The following RBM44 variants were observed in gnomAD, a reference collection of about 807,000 sequenced individuals.
The protein encoded by RBM44 is RNA-binding protein 44.
RBM44 carries 66 observed loss-of-function variants against 105.1 expected under a neutral mutation model. The observed-to-expected ratio is 0.63, with a 90% CI of 0.52 to 0.77. RBM44 has a LOEUF of 0.77. RBM44 is among the 30% of genes least tolerant of loss of function. The pLI is 0.00. For missense variants in RBM44, 1,122 were observed against 1,207.8 expected (o/e 0.93, Z 1.05); for synonymous variants, 365 against 417.6 (o/e 0.87, Z 1.54).
At chr2:237,819,864 C>T (rs2061764032) in intron 4 of RBM44, among the ~76,000 whole-genome samples, 1 of 151,800 alleles carries the variant, frequency 6.6e-6, no homozygotes. Flanking sequence ...AAGGTCATTA[C>T]CAAAATGACT....
chr2:237,820,028 A>G, intron 4 of RBM44, 147 bp from the exon 5 acceptor site: 1 of 421,750 alleles, frequency 2.4e-6, no homozygotes, highest in Non-Finnish European at 4.2e-6. Flanking sequence ...AAGTTGTTAT[A>G]TATTCCTACA....
chr2:237,801,999 T>C lies in RBM44; in HGVS notation c.-19+3138T>C, dbSNP rs148496406. Among the ~76,000 whole-genome samples the C allele has an allele frequency of 1.1e-4, 16 of 152,368 alleles. No individual in the cohort carries two copies. The East Asian group carries it at 3.1e-3, about 29-fold the overall frequency. On this transcript the variant is annotated intron_variant, in intron 1 of 15. Coordinates refer to ENST00000316997, the MANE Select transcript of RBM44 (RefSeq NM_001080504.3). ...TCAAGGATTTGAACATAAAATTAAT[T>C]GCTTTTTAAAAACAACTAGCAGTTT...
rs2062024194 is a variant in RBM44 at position 237,842,788 on chromosome 2, A to G, written c.*972A>G. The G allele has an allele frequency of 6.6e-6, 1 of 152,098 alleles. No homozygotes were observed. Among genetic ancestry groups the G allele is most frequent in the Non-Finnish European group, 1.5e-5 (1 of 67,970 alleles). 9.4% of individuals were successfully genotyped at this position (152,098 alleles called of 1,614,324 possible). The stretch of plus-strand genomic sequence containing the variant: ...TATATTTGTTGTATTTATATTTAAT[A>G]AAGGCATCTAATCTTTAGTACCACT... On this transcript the variant is annotated 3_prime_UTR_variant, in exon 16 of 16. Coordinates refer to ENST00000316997, the MANE Select transcript of RBM44 (RefSeq NM_001080504.3).
chr2:237,818,673 C>A lies in RBM44; in HGVS notation c.1677+77C>A. ...TATGCTAATGTAAGTGTTTTTGGTT[C>A]GTTGAATTAAGGCTTTTGTGAGAAG... On this transcript the variant is annotated intron_variant, in intron 3 of 15. Coordinates refer to ENST00000316997, the MANE Select transcript of RBM44 (RefSeq NM_001080504.3). This position sits in a 1 kb window ranked among gnomAD's most constrained non-coding sequence, Gnocchi z 4.6. The A allele has an allele frequency of 9.6e-7, 1 of 1,038,260 alleles. No individual in the cohort carries two copies. Among genetic ancestry groups the A allele is most frequent in the South Asian group, 2.1e-5 (1 of 47,488 alleles). 64.3% of individuals were successfully genotyped at this position (1,038,260 alleles called of 1,614,324 possible). A position where few individuals can be genotyped will look rare whatever the true frequency, so the allele number is the denominator to read the frequency against.
chr2:237,809,624 C>A (rs2061636332), intron 1 of RBM44, among the ~76,000 whole-genome samples: 1 of 152,172 alleles, frequency 6.6e-6, no homozygotes, highest in Admixed American at 6.5e-5. Context: ...TCTTGAGTCT[C>A]TTCTCTGCCT....
intron 10 of RBM44, among the ~76,000 whole-genome samples, chr2:237,825,970 A>G (rs1036489423): frequency 6.6e-6 from 1 of 152,124 alleles, no homozygotes; most frequent in Non-Finnish European, 1.5e-5. Context: ...CAGCACCACT[A>G]CTTACTCTAT....
rs80250821 is a variant in RBM44, at chr2:237,831,946, C to T, written c.2887-2051C>T. On this transcript the variant is annotated intron_variant, in intron 13 of 15. Coordinates refer to ENST00000316997, the MANE Select transcript of RBM44 (RefSeq NM_001080504.3). ...GGAGGTTTGGGAACTGTGGCTCTCC[C>T]TTTCTTCTCTCGTGTAGCACATGTG... Among the ~76,000 whole-genome samples the T allele has an allele frequency of 4.1e-4, 63 of 152,172 alleles. 1 individual carries two copies. The East Asian group carries it at 0.011, about 27-fold the overall frequency.
At position 237,842,533 on chromosome 2, in the gene RBM44, T is replaced by C. The variant is rs2062022137; in HGVS notation, c.*717T>C. On this transcript the variant is annotated 3_prime_UTR_variant, in exon 16 of 16. Coordinates refer to ENST00000316997, the MANE Select transcript of RBM44 (RefSeq NM_001080504.3). Reference sequence around the variant, plus strand: ...GCATTCATTTTGTGAAAAGTTTTGTTGTATTGTTAGAACAATTTTCAAAGG... The same window carrying C: ...GCATTCATTTTGTGAAAAGTTTTGTCGTATTGTTAGAACAATTTTCAAAGG... The C allele has an allele frequency of 6.6e-6, 1 of 152,130 alleles. No individual in the cohort carries two copies. Among genetic ancestry groups the C allele is most frequent in the African/African-American group, 2.4e-5 (1 of 41,458 alleles). The allele number at this position is 152,130 out of a possible 1,614,324, so 9.4% of individuals were successfully genotyped here. A position where few individuals can be genotyped will look rare whatever the true frequency, so the allele number is the denominator to read the frequency against.
At chr2:237,825,627 C>T (rs2061840538) in intron 10 of RBM44, among the ~76,000 whole-genome samples, 1 of 152,182 alleles carries the variant, frequency 6.6e-6, no homozygotes. Context: ...CTCTCATTAG[C>T]TCAGTGAGCT....
rs2062022627 is a variant in RBM44, at chr2:237,842,591, A to G, written c.*775A>G. 1 of 152,142 alleles carries G rather than the reference A, an allele frequency of 6.6e-6. No homozygotes were observed. Among genetic ancestry groups the G allele is most frequent in the African/African-American group, 2.4e-5 (1 of 41,468 alleles). 9.4% of individuals were successfully genotyped at this position (152,142 alleles called of 1,614,324 possible). On this transcript the variant is annotated 3_prime_UTR_variant, in exon 16 of 16. Transcript: ENST00000316997. ...TATGCCTTATCTGATAGAAATATAG[A>G]ATAGATAGTTCTTTAATTGCTTACT...
chr2:237,825,498 A>AC (rs766098464), intron 10 of RBM44, among the ~76,000 whole-genome samples: 11 of 152,092 alleles, frequency 7.2e-5, no homozygotes, highest in Non-Finnish European at 1.6e-4. Flanking sequence ...GAGCCACTGC[A>AC]CCCAGCCCCA....
At chr2:237,835,680 G>A (rs1489344385) in intron 15 of RBM44, among the ~76,000 whole-genome samples, 2 of 152,152 alleles carry the variant, frequency 1.3e-5, no homozygotes, top group African/African-American at 4.8e-5. Context: ...ATTTGAAGGT[G>A]ATGAGAGAGG....
intron 1 of RBM44, among the ~76,000 whole-genome samples, chr2:237,812,605 TAAAAC>T (rs2061670725): frequency 6.6e-6 from 1 of 152,188 alleles, no homozygotes. Context: ...AATTCAGAGT[TAAAAC>T]AAAATGAATT....
intron 9 of RBM44, among the ~76,000 whole-genome samples, chr2:237,823,894 T>C (rs889422935): frequency 2.6e-5 from 4 of 152,190 alleles, no homozygotes; most frequent in African/African-American, 9.6e-5. Flanking sequence ...ATTATTAATT[T>C]AATTGTAATG....
chr2:237,808,577 A>G (rs903932902), intron 1 of RBM44, among the ~76,000 whole-genome samples: 6 of 152,188 alleles, frequency 3.9e-5, no homozygotes, highest in East Asian at 1.9e-4. Context: ...AGTTAGAACT[A>G]TAGAAAGAAT....
At chr2:237,831,512 A>T (rs2061903040) in intron 13 of RBM44, among the ~76,000 whole-genome samples, 1 of 152,078 alleles carries the variant, frequency 6.6e-6, no homozygotes, top group Admixed American at 6.5e-5. Context: ...TGAATTCCTG[A>T]CCTCAAGTCA....
intron 1 of RBM44, among the ~76,000 whole-genome samples, chr2:237,801,993 A>T (rs2061550885): frequency 6.6e-6 from 1 of 152,236 alleles, no homozygotes; most frequent in African/African-American, 2.4e-5. Context: ...TGAACATAAA[A>T]TTAATTGCTT....
rs1228251837 is a variant in RBM44 at position 237,827,471 on chromosome 2, T to C, written c.2568T>C (p.Ser856=). ...LRSHFQKYQV[S]EISIYDSTNY... ...CTCATTTCCAAAAATACCAAGTTTC[T>C]GAAATTTCAATTTATGATTCTACTA... The change falls in exon 12 of 16, where the codon TCT becomes TCC. Residue 856 remains serine (S), a synonymous_variant. Coordinates refer to ENST00000316997, the MANE Select transcript of RBM44 (RefSeq NM_001080504.3). The C allele has an allele frequency of 6.6e-7, 1 of 1,524,850 alleles. No individual in the cohort carries two copies. Among genetic ancestry groups the C allele is most frequent in the Non-Finnish European group, 8.9e-7 (1 of 1,123,676 alleles). The allele number at this position is 1,524,850 out of a possible 1,614,324, so 94.5% of individuals were successfully genotyped here.
At chr2:237,832,963 C>T (rs978786959) in intron 13 of RBM44, among the ~76,000 whole-genome samples, 3 of 152,146 alleles carry the variant, frequency 2.0e-5, no homozygotes, top group East Asian at 1.9e-4. Flanking sequence ...ATTTTTAGAA[C>T]GGTGCCTACC....
Sources: gnomAD v4.1 joint callset for allele counts (sites outside exome capture counted in the v4.1 genomes callset) on GRCh38, gnomAD v4.1.1 for gene constraint, Gnocchi (gnomAD v3.1) non-coding constraint, MANE v1.5 for transcripts, NCBI Gene and HGNC (gene_info 2026-07-23, HGNC 2026-07-21) for gene names.